CNTRL: variants seen among roughly 807,000 people sequenced by gnomAD.
CNTRL encodes 110 kDa centrosomal protein.
Under a neutral mutation model 303.7 loss-of-function variants are expected in CNTRL, and 233 were observed. The ratio of observed to expected loss-of-function variants is 0.77; its 90% CI spans 0.69 to 0.86. The LOEUF is 0.86. CNTRL is among the 40% of genes least tolerant of loss of function. CNTRL has a pLI of 0.00. For missense variants in CNTRL, 2,524 were observed against 2,650.6 expected (o/e 0.95, Z 1.05); for synonymous variants, 900 against 922.2 (o/e 0.98, Z 0.44).
chr9:121,136,583 T>C (rs546788127), intron 15 of CNTRL, among the ~76,000 whole-genome samples: 1 of 152,328 alleles, frequency 6.6e-6, no homozygotes, highest in Non-Finnish European at 1.5e-5. Flanking sequence ...AGTGCTGGGA[T>C]TACAGGCATG....
At chr9:121,092,152 TTA>T (rs2048605607) in intron 4 of CNTRL, among the ~76,000 whole-genome samples, 2 of 147,104 alleles carry the variant, frequency 1.4e-5, no homozygotes, top group Non-Finnish European at 3.0e-5. Context: ...TTATATATGC[TTA>T]TATATAAATA....
Position 121,146,252 on chromosome 9 carries a change from CA to C in CNTRL, c.3459del (p.Val1154PhefsTer92). On this transcript the variant is annotated frameshift_variant, in exon 23 of 44. Transcript: ENST00000373855. LOFTEE classifies it high-confidence loss of function. ...YWYFMPPPPSSKVSSHSSQAT... is the reference protein window; with the variant it reads ...YWYFMPPPPSXKVSSHSSQAT... ...TACTTTATGCCACCACCACCATCAT[CA>C]AAAGTAGGAATTCTGTGGTGTTGGG... The C allele has an allele frequency of 1.2e-6, 2 of 1,606,358 alleles. No individual in the cohort carries two copies. Among genetic ancestry groups the C allele is most frequent in the Non-Finnish European group, 8.5e-7 (1 of 1,178,110 alleles).
At position 121,162,030 on chromosome 9, in the gene CNTRL, T is replaced by C. The variant is rs183997350; in HGVS notation, c.5206-24T>C. On this transcript the variant is annotated intron_variant, in intron 33 of 43. Coordinates refer to ENST00000373855, the MANE Select transcript of CNTRL (RefSeq NM_007018.6). ...TGAAGTCTTTCTCATTTAAGATGTT[T>C]GAGTCCTCTTTTATCTGATTTAGGA... is the stretch of plus-strand genomic sequence containing the variant. 1.7e-5 allele frequency: 28 copies of C among 1,613,800 alleles called. No homozygotes were observed. In the African/African-American group the frequency reaches 3.6e-4, roughly 21 times the overall value.
At chr9:121,171,817 C>G (rs2053316292) in intron 40 of CNTRL, among the ~76,000 whole-genome samples, 2 of 152,088 alleles carry the variant, frequency 1.3e-5, no homozygotes, top group Admixed American at 1.3e-4. Context: ...TATTTCATGT[C>G]CCAAAGAACT....
intron 4 of CNTRL, among the ~76,000 whole-genome samples, chr9:121,093,990 G>C (rs1271480712): frequency 6.6e-6 from 1 of 151,976 alleles, no homozygotes; most frequent in South Asian, 2.1e-4. Flanking sequence ...CGCGCCTGTG[G>C]TCCCAGCTAC....
intron 26 of CNTRL, among the ~76,000 whole-genome samples, chr9:121,154,477 TATTTAA>T (rs1441849407): frequency 6.6e-6 from 1 of 152,266 alleles, no homozygotes; most frequent in African/African-American, 2.4e-5. Context: ...TTTGTTGTTA[TATTTAA>T]AAGGGCAAAC....
intron 18 of CNTRL, 117 bp downstream of exon 18, chr9:121,141,705 T>C (rs1272227659): frequency 6.1e-6 from 6 of 991,550 alleles, no homozygotes; most frequent in Non-Finnish European, 9.0e-6. Flanking sequence ...TTATTTTCAC[T>C]TATAACAAGT....
At chr9:121,165,318 TAAAAA>T (rs34558172) in intron 35 of CNTRL, among the ~76,000 whole-genome samples, 4 of 149,616 alleles carry the variant, frequency 2.7e-5, no homozygotes, top group Admixed American at 6.6e-5. Flanking sequence ...TAAAGTCAGT[TAAAAA>T]AAAAAACCTA....
At chr9:121,143,765 A>C in intron 19 of CNTRL, 138 bp from the exon 20 acceptor site, 1 of 561,940 alleles carries the variant, frequency 1.8e-6, no homozygotes, top group Non-Finnish European at 3.1e-6. Flanking sequence ...TATTCATTGG[A>C]TATATGTGGA....
At chr9:121,088,655 A>G (rs1333609679) in intron 3 of CNTRL, 112 bp downstream of exon 3, 10 of 645,638 alleles carry the variant, frequency 1.5e-5, no homozygotes, top group Admixed American at 8.8e-5. Flanking sequence ...AATTTGATCT[A>G]TTGTTTTTAT....
intron 10 of CNTRL, among the ~76,000 whole-genome samples, chr9:121,114,442 G>C (rs191214923): frequency 1.4e-4 from 22 of 152,328 alleles, no homozygotes; most frequent in African/African-American, 4.6e-4. Context: ...AAGGCAAATA[G>C]AGGTTGACTT....
At chr9:121,159,221 A>G (rs546545650) in intron 31 of CNTRL, among the ~76,000 whole-genome samples, 1 of 152,242 alleles carries the variant, frequency 6.6e-6, no homozygotes, top group East Asian at 1.9e-4. Flanking sequence ...GGATATGCTC[A>G]AAGTTCTCCT....
chr9:121,161,817 A>G (rs2052866536), intron 32 of CNTRL, 39 bp from the exon 33 acceptor site: 3 of 1,415,142 alleles, frequency 2.1e-6, no homozygotes, highest in Admixed American at 1.9e-5. Context: ...TTCCAAGTTC[A>G]TTTAATATCA....
intron 1 of CNTRL, among the ~76,000 whole-genome samples, chr9:121,076,933 G>C (rs1416245307): frequency 6.6e-6 from 1 of 152,078 alleles, no homozygotes; most frequent in African/African-American, 2.4e-5. Context: ...AATGGGGATG[G>C]GTATTTGCAT....
At chr9:121,112,637 G>A in intron 9 of CNTRL, 59 bp downstream of exon 9, 1 of 1,556,612 alleles carries the variant, frequency 6.4e-7, no homozygotes, top group Non-Finnish European at 8.8e-7. Flanking sequence ...ATGGAATGGG[G>A]GAGGGCAGGT....
At chr9:121,163,956 C>T (rs1011550316) in intron 34 of CNTRL, among the ~76,000 whole-genome samples, 14 of 150,624 alleles carry the variant, frequency 9.3e-5, no homozygotes, top group African/African-American at 3.4e-4. Flanking sequence ...GCTCCACCTT[C>T]CGGGTTCACG....
At chr9:121,133,400 C>T (rs1045271818) in intron 14 of CNTRL, among the ~76,000 whole-genome samples, 6 of 152,276 alleles carry the variant, frequency 3.9e-5, no homozygotes, top group African/African-American at 1.4e-4. Context: ...CTATCTCAGA[C>T]TGCTACACTA....
Position 121,165,078 on chromosome 9 carries a change from A to G in CNTRL, c.5559A>G (p.Ser1853=). ...RDKLSLHNDI[S]AMQQQLQEKR... ...AGTTGTCACTGCATAACGACATTTCAGCAATGCAACAGCAGCTCCAAGGTA... is the reference window on the plus strand; with the variant it reads ...AGTTGTCACTGCATAACGACATTTCGGCAATGCAACAGCAGCTCCAAGGTA... Residue 1853 remains serine, a synonymous_variant, in exon 35 of 44, where the codon TCA becomes TCG. Coordinates refer to ENST00000373855, the MANE Select transcript of CNTRL (RefSeq NM_007018.6). 1 of 1,592,218 alleles carries G rather than the reference A, an allele frequency of 6.3e-7. No individual in the cohort carries two copies. The highest frequency in any genetic ancestry group is 1.1e-5 in the South Asian group (1 of 87,708).
intron 14 of CNTRL, among the ~76,000 whole-genome samples, chr9:121,134,245 C>T (rs975648633): frequency 2.0e-5 from 3 of 151,888 alleles, no homozygotes; most frequent in African/African-American, 4.8e-5. Flanking sequence ...CATTATTACA[C>T]CTAAGAAAAA....
Sources: gnomAD v4.1 joint callset for allele counts (sites outside exome capture counted in the v4.1 genomes callset) on GRCh38, gnomAD v4.1.1 for gene constraint, MANE v1.5 for transcripts, NCBI Gene and HGNC (gene_info 2026-07-23, HGNC 2026-07-21) for gene names.